Variants in TRIM9 observed in about 807,000 individuals in gnomAD.
TRIM9 encodes tripartite motif containing 9.
Under a neutral mutation model 78.3 loss-of-function variants are expected in TRIM9, and 26 were observed. The ratio of observed to expected loss-of-function variants is 0.33; its 90% CI spans 0.24 to 0.46. The LOEUF is 0.46. Ranked by LOEUF, TRIM9 falls within the 20% of genes least tolerant of loss-of-function variation. The pLI, the probability that TRIM9 is intolerant of heterozygous loss-of-function variation, is 1.00. For synonymous variants in TRIM9, 398 were observed against 416.5 expected (o/e 0.96, Z 0.54); for missense variants, 787 against 1,036.4 (o/e 0.76, Z 3.30).
At chr14:51,026,720 T>C (rs188031839) in intron 1 of TRIM9, among the ~76,000 whole-genome samples, 5 of 152,254 alleles carry the variant, frequency 3.3e-5, no homozygotes, top group Admixed American at 6.5e-5. Flanking sequence ...CACCAAATGC[T>C]TGGTTGAGGC....
chr14:51,009,822 A>T (rs2056340037), intron 4 of TRIM9, among the ~76,000 whole-genome samples: 1 of 152,174 alleles, frequency 6.6e-6, no homozygotes, highest in Non-Finnish European at 1.5e-5. Flanking sequence ...CATGTTCCTT[A>T]ACAAAAGGTT....
chr14:51,056,522 A>C (rs1485846149), intron 1 of TRIM9, among the ~76,000 whole-genome samples: 2 of 152,188 alleles, frequency 1.3e-5, no homozygotes, highest in Admixed American at 6.5e-5. Context: ...ACATTCAACA[A>C]ATAAGTCCAA....
intron 1 of TRIM9, among the ~76,000 whole-genome samples, chr14:51,067,633 T>C (rs890567655): frequency 6.6e-6 from 1 of 152,198 alleles, no homozygotes; most frequent in African/African-American, 2.4e-5. Context: ...CTAAGGATCT[T>C]TGCATGTGCT....
chr14:50,977,488 A>T, intron 12 of TRIM9, 135 bp from the exon 13 acceptor site: 1 of 579,004 alleles, frequency 1.7e-6, no homozygotes, highest in South Asian at 8.2e-5. Context: ...AGCAGGCATT[A>T]AACGGAATTC....
In TRIM9 at chr14:51,094,631, G is replaced by A; in HGVS notation, c.309C>T (p.Pro103=). The stretch of plus-strand genomic sequence containing the variant: ...GGGTGGCCGGTGGCGGCATAGCCGG[G>A]GGAAACACGCGGACGCCGTTGGGGG... ...QKSPNGVRVF[P]PAMPPPATHL... is the part of the protein sequence containing the mutation. Residue 103 remains proline (P), a synonymous_variant, in exon 1 of 13, where the codon CCC becomes CCT. Transcript: ENST00000684578. 6.2e-7 allele frequency: 1 copy of A among 1,607,520 alleles called. No homozygotes were observed. The highest frequency in any genetic ancestry group is 8.5e-7 in the Non-Finnish European group (1 of 1,175,966).
chr14:51,055,679 C>T (rs866660700), intron 1 of TRIM9, among the ~76,000 whole-genome samples: 6 of 152,310 alleles, frequency 3.9e-5, no homozygotes, highest in Middle Eastern at 3.4e-3. Context: ...CTAGAGCATT[C>T]AGCTCTACTG....
chr14:51,003,655 A>C (rs1319061394), intron 5 of TRIM9, among the ~76,000 whole-genome samples: 1 of 152,218 alleles, frequency 6.6e-6, no homozygotes, highest in Non-Finnish European at 1.5e-5. Flanking sequence ...ATAAAAAAAA[A>C]AGGCTAGACT....
chr14:51,060,109 G>A (rs756497443), intron 1 of TRIM9, among the ~76,000 whole-genome samples: 4 of 152,124 alleles, frequency 2.6e-5, no homozygotes, highest in East Asian at 1.9e-4. Context: ...TTTATAATGG[G>A]CTTTCTAGCT....
At chr14:50,996,521 C>T (rs2054226811) in intron 7 of TRIM9, 2 of 985,408 alleles carry the variant, frequency 2.0e-6, no homozygotes, top group Non-Finnish European at 1.2e-6. Flanking sequence ...GATCTGATAA[C>T]ACATATTAGC....
rs2063150626 is a variant in TRIM9 at position 51,079,974 on chromosome 14, G to C, written c.822+14144C>G. The stretch of plus-strand genomic sequence containing the variant: ...TAGTGGTAAGATGCCAAAAAAGCTA[G>C]CAAGTAGTGCAAATGAATGGGGAGA... On this transcript the variant is annotated intron_variant, in intron 1 of 12. Transcript: ENST00000684578. 2.0e-5 allele frequency among the ~76,000 whole-genome samples: 3 copies of C among 152,196 alleles called. 1 individual carries two copies. In the South Asian group the frequency reaches 6.2e-4, roughly 32 times the overall value.
intron 5 of TRIM9, among the ~76,000 whole-genome samples, chr14:51,003,924 A>G (rs1430325754): frequency 2.0e-5 from 3 of 152,216 alleles, no homozygotes; most frequent in Non-Finnish European, 2.9e-5. Flanking sequence ...TTCTAGAAAA[A>G]TATATTTTAT....
intron 1 of TRIM9, among the ~76,000 whole-genome samples, chr14:51,057,640 A>C (rs542478314): frequency 6.6e-6 from 1 of 152,354 alleles, no homozygotes; most frequent in Non-Finnish European, 1.5e-5. Context: ...CAAAAATATT[A>C]TTGCACATTA....
At chr14:51,048,767 G>A (rs1056365748) in intron 1 of TRIM9, among the ~76,000 whole-genome samples, 5 of 151,996 alleles carry the variant, frequency 3.3e-5, no homozygotes, top group African/African-American at 9.7e-5. Context: ...GGCGGATCAC[G>A]AGGTCAGGAG....
At chr14:50,986,374 C>T (rs2052716117) in intron 7 of TRIM9, 1 of 362,726 alleles carries the variant, frequency 2.8e-6, no homozygotes, top group East Asian at 4.1e-5. Flanking sequence ...CAATTGTTGT[C>T]ACTTTCCCGA....
intron 1 of TRIM9, among the ~76,000 whole-genome samples, chr14:51,075,715 G>A (rs568390702): frequency 8.1e-4 from 123 of 152,294 alleles, no homozygotes; most frequent in African/African-American, 2.3e-3. Context: ...AAATGGCAGC[G>A]GGGATGCCTG....
At chr14:51,056,527 G>A (rs994553043) in intron 1 of TRIM9, among the ~76,000 whole-genome samples, 3 of 152,124 alleles carry the variant, frequency 2.0e-5, no homozygotes, top group Non-Finnish European at 4.4e-5. Flanking sequence ...CAACAAATAA[G>A]TCCAACATTT....
In TRIM9 at chr14:51,010,135, A is replaced by AT. The variant is rs567260482; in HGVS notation, c.1152+248_1152+249insA. The stretch of plus-strand genomic sequence containing the variant: ...ACAAAAGAAGAAAAAGAAGCGAAAA[A>AT]AAAAAGAAAAAGAAAAAGAAAAAAG... On this transcript the variant is annotated intron_variant, in intron 4 of 12. Coordinates refer to ENST00000684578, the MANE Select transcript of TRIM9 (RefSeq NM_001387360.1). Among the ~76,000 whole-genome samples, 1,135 of 151,588 alleles carry AT rather than the reference A, an allele frequency of 7.5e-3. 20 individuals carry two copies. The highest frequency in any genetic ancestry group is 0.026 in the African/African-American group (1,077 of 41,332).
chr14:51,053,980 C>G (rs139555188), intron 1 of TRIM9, among the ~76,000 whole-genome samples: 43 of 152,312 alleles, frequency 2.8e-4, no homozygotes, highest in African/African-American at 1.0e-3. Flanking sequence ...GCTACCATCT[C>G]TAAAGATAGA....
chr14:51,040,183 T>C (rs538447456), intron 1 of TRIM9, among the ~76,000 whole-genome samples: 2 of 152,350 alleles, frequency 1.3e-5, no homozygotes, highest in Admixed American at 6.5e-5. Context: ...CGGATGGTCT[T>C]ATATTTTCAG....
Sources: gnomAD v4.1 joint callset for allele counts (sites outside exome capture counted in the v4.1 genomes callset) on GRCh38, gnomAD v4.1.1 for gene constraint, MANE v1.5 for transcripts, NCBI Gene and HGNC (gene_info 2026-07-23, HGNC 2026-07-21) for gene names.